ADAMTS12: variants seen among roughly 807,000 people sequenced by gnomAD.
ADAMTS12 encodes the protein ADAM metallopeptidase with thrombospondin type 1 motif 12.
A neutral mutation model predicts 167.8 loss-of-function variants in ADAMTS12; 118 were observed. The observed-to-expected ratio is 0.70, with a 90% CI of 0.61 to 0.82. The LOEUF is 0.82. ADAMTS12 is among the 40% of genes least tolerant of loss of function. The pLI is 0.00. For synonymous variants in ADAMTS12, 704 were observed against 716.9 expected (o/e 0.98, Z 0.29); for missense variants, 1,916 against 1,998.8 (o/e 0.96, Z 0.79).
chr5:33,883,127 C>T (rs1434914812), intron 1 of ADAMTS12, among the ~76,000 whole-genome samples: 1 of 152,050 alleles, frequency 6.6e-6, no homozygotes, highest in Non-Finnish European at 1.5e-5. Flanking sequence ...TCTGTACCTC[C>T]TAGAATGGCT....
chr5:33,564,729 TC>T (rs1306631787), intron 19 of ADAMTS12, among the ~76,000 whole-genome samples: 1 of 152,190 alleles, frequency 6.6e-6, no homozygotes, highest in African/African-American at 2.4e-5. Flanking sequence ...TTCCTGAATG[TC>T]ATGGGACTTT....
intron 7 of ADAMTS12, among the ~76,000 whole-genome samples, chr5:33,652,909 AG>A (rs1740918006): frequency 6.6e-6 from 1 of 152,146 alleles, no homozygotes; most frequent in Admixed American, 6.6e-5. Flanking sequence ...ACTTAGTCAA[AG>A]ATCAGTTCTC....
At chr5:33,881,890 C>A (rs1750462546) in intron 1 of ADAMTS12, among the ~76,000 whole-genome samples, 1 of 151,968 alleles carries the variant, frequency 6.6e-6, no homozygotes, top group South Asian at 2.1e-4. Context: ...TTTTTAATTA[C>A]AAAATCCCAC....
chr5:33,850,350 G>T (rs1314410482), intron 2 of ADAMTS12, among the ~76,000 whole-genome samples: 1 of 152,160 alleles, frequency 6.6e-6, no homozygotes, highest in East Asian at 1.9e-4. Flanking sequence ...GGCGACCTCT[G>T]GGAGGCCTTC....
chr5:33,557,082 G>A (rs561433164), intron 20 of ADAMTS12, among the ~76,000 whole-genome samples: 1 of 152,296 alleles, frequency 6.6e-6, no homozygotes, highest in East Asian at 1.9e-4. Context: ...AGAGAAATAA[G>A]CCAGTAAAAC....
chr5:33,771,249 T>C (rs1218762790), intron 2 of ADAMTS12, among the ~76,000 whole-genome samples: 1 of 152,238 alleles, frequency 6.6e-6, no homozygotes, highest in African/African-American at 2.4e-5. Flanking sequence ...CATCCATAAC[T>C]AGATCTTTAT....
rs938741647 is a variant in ADAMTS12 at position 33,523,987 on chromosome 5, C to T, written c.*3201G>A. 3 of 152,172 alleles carry T rather than the reference C, an allele frequency of 2.0e-5. No individual in the cohort carries two copies. The highest frequency in any genetic ancestry group is 2.9e-5 in the Non-Finnish European group (2 of 68,036). The allele number at this position is 152,172 out of a possible 1,614,324, so 9.4% of individuals were successfully genotyped here. A position where few individuals can be genotyped will look rare whatever the true frequency, so the allele number is the denominator to read the frequency against. On this transcript the variant is annotated 3_prime_UTR_variant, in exon 24 of 24. Coordinates refer to ENST00000504830, the MANE Select transcript of ADAMTS12 (RefSeq NM_030955.4). ...CTCTGGAGTAGCAGTGTGCAGCTTT[C>T]AGAGTTTGGAAGATTTTAGTCAACT...
At chr5:33,825,286 T>G (rs1488276346) in intron 2 of ADAMTS12, among the ~76,000 whole-genome samples, 1 of 152,178 alleles carries the variant, frequency 6.6e-6, no homozygotes, top group Non-Finnish European at 1.5e-5. Flanking sequence ...CTACTGAAAT[T>G]CCAGACAAAT....
intron 3 of ADAMTS12, among the ~76,000 whole-genome samples, chr5:33,697,443 C>T (rs1742823880): frequency 6.6e-6 from 1 of 152,170 alleles, no homozygotes; most frequent in Non-Finnish European, 1.5e-5. Flanking sequence ...TGAGTAAAAG[C>T]AACTTTACTG....
intron 14 of ADAMTS12, among the ~76,000 whole-genome samples, chr5:33,618,634 T>C (rs1478921847): frequency 1.3e-5 from 2 of 152,216 alleles, no homozygotes; most frequent in Non-Finnish European, 2.9e-5. Flanking sequence ...AAGCACTCTC[T>C]TCATCAATTT....
chr5:33,579,903 C>T (rs1395558485), intron 18 of ADAMTS12, among the ~76,000 whole-genome samples: 1 of 152,182 alleles, frequency 6.6e-6, no homozygotes, highest in Non-Finnish European at 1.5e-5. Flanking sequence ...TTCTACTGCC[C>T]TTGTGGGTGA....
intron 2 of ADAMTS12, among the ~76,000 whole-genome samples, chr5:33,831,233 G>A (rs894005253): frequency 6.6e-6 from 1 of 152,186 alleles, no homozygotes; most frequent in Non-Finnish European, 1.5e-5. Context: ...CCTATGAACT[G>A]CTACAATTTA....
chr5:33,570,465 T>C (rs1337238130), intron 19 of ADAMTS12, among the ~76,000 whole-genome samples: 1 of 152,130 alleles, frequency 6.6e-6, no homozygotes, highest in Non-Finnish European at 1.5e-5. Flanking sequence ...GAAAAGAATT[T>C]TCAACCCAGA....
chr5:33,654,854 A>G (rs984915952), intron 7 of ADAMTS12, among the ~76,000 whole-genome samples: 2 of 144,364 alleles, frequency 1.4e-5, no homozygotes, highest in Non-Finnish European at 1.5e-5. Flanking sequence ...GATAGAGAGA[A>G]CAGGCGTATG....
At chr5:33,813,033 T>G (rs1747518820) in intron 2 of ADAMTS12, among the ~76,000 whole-genome samples, 1 of 152,210 alleles carries the variant, frequency 6.6e-6, no homozygotes. Flanking sequence ...TATAATTCTA[T>G]TTACGTGAAT....
intron 2 of ADAMTS12, among the ~76,000 whole-genome samples, chr5:33,849,385 C>T (rs141759051): frequency 0.014 from 1,583 of 112,888 alleles, 146 homozygotes; most frequent in East Asian, 0.081. Context: ...ATGTATTGCA[C>T]AGCAATATAT....
At chr5:33,769,490 C>T (rs1210087765) in intron 2 of ADAMTS12, among the ~76,000 whole-genome samples, 1 of 152,190 alleles carries the variant, frequency 6.6e-6, no homozygotes, top group South Asian at 2.1e-4. Flanking sequence ...GCTACTTAAT[C>T]TAGACTAAAG....
chr5:33,769,935 T>G (rs909766514), intron 2 of ADAMTS12, among the ~76,000 whole-genome samples: 1 of 152,212 alleles, frequency 6.6e-6, no homozygotes, highest in East Asian at 1.9e-4. Flanking sequence ...AGGTAAAGTA[T>G]GTATATACCC....
intron 2 of ADAMTS12, among the ~76,000 whole-genome samples, chr5:33,784,154 A>G (rs1561269848): frequency 6.6e-6 from 1 of 151,956 alleles, no homozygotes; most frequent in Non-Finnish European, 1.5e-5. Context: ...AAAAATCACT[A>G]CCTATACATA....
Sources: gnomAD v4.1 joint callset for allele counts (sites outside exome capture counted in the v4.1 genomes callset) on GRCh38, gnomAD v4.1.1 for gene constraint, MANE v1.5 for transcripts, NCBI Gene and HGNC (gene_info 2026-07-23, HGNC 2026-07-21) for gene names.